The following GRIK2 variants were observed in gnomAD, a reference collection of about 807,000 sequenced individuals.
The protein encoded by GRIK2 is glutamate ionotropic receptor kainate type subunit 2, also known as glutamate receptor ionotropic, kainate 2.
GRIK2 carries 32 observed loss-of-function variants against 100.3 expected under a neutral mutation model. The observed-to-expected ratio is 0.32, with a 90% CI of 0.24 to 0.43. GRIK2 has a LOEUF of 0.43. Among genes scored for constraint, GRIK2 ranks in the 20% least tolerant of loss-of-function variants. The pLI is 1.00. For synonymous variants in GRIK2, 417 were observed against 389.4 expected (o/e 1.07, Z -0.83); for missense variants, 843 against 1,114.9 (o/e 0.76, Z 3.47).
chr6:101,605,880 C>T (rs1454640023), intron 2 of GRIK2, among the ~76,000 whole-genome samples: 1 of 151,932 alleles, frequency 6.6e-6, no homozygotes, highest in Non-Finnish European at 1.5e-5. Context: ...AATAATATCA[C>T]AGGGTAGAAA....
chr6:102,012,925 T>C (rs1795625805), intron 14 of GRIK2, among the ~76,000 whole-genome samples: 1 of 152,192 alleles, frequency 6.6e-6, no homozygotes, highest in African/African-American at 2.4e-5. Context: ...AAGCTCTTTT[T>C]GGTTCCATGT....
intron 2 of GRIK2, among the ~76,000 whole-genome samples, chr6:101,512,050 A>T (rs1774346001): frequency 9.6e-6 from 1 of 104,460 alleles, no homozygotes; most frequent in Admixed American, 1.1e-4. Context: ...GTAAAAAAAG[A>T]TACATACATA....
intron 10 of GRIK2, among the ~76,000 whole-genome samples, chr6:101,852,179 T>TAAAAC (rs886735681): frequency 6.6e-6 from 1 of 152,064 alleles, no homozygotes; most frequent in African/African-American, 2.4e-5. Context: ...TCCTTTTAAG[T>TAAAAC]AAAACAAAAC....
intron 7 of GRIK2, among the ~76,000 whole-genome samples, chr6:101,783,945 G>A (rs1042872510): frequency 6.6e-6 from 1 of 152,142 alleles, no homozygotes; most frequent in African/African-American, 2.4e-5. Flanking sequence ...ACAAATAGAT[G>A]GTTTGAAATT....
intron 7 of GRIK2, among the ~76,000 whole-genome samples, chr6:101,717,956 G>A (rs1774184509): frequency 6.6e-6 from 1 of 151,604 alleles, no homozygotes; most frequent in South Asian, 2.1e-4. Context: ...GCCATATTAA[G>A]TTATATTAGC....
chr6:101,668,767 C>T (rs1400107055), intron 4 of GRIK2, among the ~76,000 whole-genome samples: 1 of 152,068 alleles, frequency 6.6e-6, no homozygotes, highest in African/African-American at 2.4e-5. Flanking sequence ...GGGAGGAAAC[C>T]TGGGACTCCC....
intron 14 of GRIK2, among the ~76,000 whole-genome samples, chr6:101,932,353 A>T (rs1790342792): frequency 6.6e-6 from 1 of 151,984 alleles, no homozygotes; most frequent in South Asian, 2.1e-4. Context: ...ATCCAAATTG[A>T]TGTATTCCTA....
intron 10 of GRIK2, among the ~76,000 whole-genome samples, chr6:101,826,902 G>A (rs2764224): frequency 0.11 from 16,714 of 151,834 alleles, 1,841 homozygotes; most frequent in East Asian, 0.61. Context: ...TTGGTGAACA[G>A]CACAACTAGC....
chr6:101,441,159 T>C (rs1215805443), intron 2 of GRIK2, among the ~76,000 whole-genome samples: 1 of 151,930 alleles, frequency 6.6e-6, no homozygotes, highest in South Asian at 2.1e-4. Context: ...CTTCAGACTT[T>C]TGTGTTCTCT....
chr6:101,580,486 A>G (rs1778023606), intron 2 of GRIK2, among the ~76,000 whole-genome samples: 2 of 152,058 alleles, frequency 1.3e-5, no homozygotes. Flanking sequence ...ACTCTAAGCC[A>G]CTATTATTTC....
At chr6:101,487,188 C>A (rs1243741729) in intron 2 of GRIK2, among the ~76,000 whole-genome samples, 1 of 146,494 alleles carries the variant, frequency 6.8e-6, no homozygotes, top group African/African-American at 2.6e-5. Context: ...TAATCATAAT[C>A]ATGTAACATT....
At chr6:101,662,369 A>T (rs1006468915) in intron 4 of GRIK2, among the ~76,000 whole-genome samples, 1 of 152,154 alleles carries the variant, frequency 6.6e-6, no homozygotes, top group Non-Finnish European at 1.5e-5. Flanking sequence ...GTTTCTAAGG[A>T]CTTACTGAAT....
At chr6:101,460,587 A>G (rs528828417) in intron 2 of GRIK2, among the ~76,000 whole-genome samples, 1 of 152,344 alleles carries the variant, frequency 6.6e-6, no homozygotes, top group East Asian at 1.9e-4. Flanking sequence ...AGAGTGATAC[A>G]GCACATTAAC....
intron 10 of GRIK2, among the ~76,000 whole-genome samples, chr6:101,834,499 A>G (rs947091507): frequency 6.6e-6 from 1 of 152,010 alleles, no homozygotes; most frequent in Non-Finnish European, 1.5e-5. Context: ...TTTCTTTCAC[A>G]AGTCTTTTGA....
At chr6:101,966,536 C>A (rs1240529944) in intron 14 of GRIK2, among the ~76,000 whole-genome samples, 1 of 152,074 alleles carries the variant, frequency 6.6e-6, no homozygotes, top group African/African-American at 2.4e-5. Context: ...ACTTTTATAA[C>A]AGGATATGTT....
chr6:102,049,430 GA>G (rs1276708863), intron 15 of GRIK2, among the ~76,000 whole-genome samples: 1 of 151,982 alleles, frequency 6.6e-6, no homozygotes, highest in Non-Finnish European at 1.5e-5. Context: ...GAATTTAAAA[GA>G]AAAGAATTTA....
At chr6:101,762,126 TTTCC>T (rs1466341198) in intron 7 of GRIK2, among the ~76,000 whole-genome samples, 1 of 140,310 alleles carries the variant, frequency 7.1e-6, no homozygotes, top group African/African-American at 2.8e-5. Context: ...CCTCCCTTCC[TTTCC>T]TTCCTCCCTC....
chr6:101,504,712 C>T lies in GRIK2; in HGVS notation c.115+105320C>T, dbSNP rs115115905. Among the ~76,000 whole-genome samples, 1,189 of 152,062 alleles carry T rather than the reference C, an allele frequency of 7.8e-3. 14 individuals are homozygous for T. Among genetic ancestry groups the T allele is most frequent in the African/African-American group, 0.027 (1,113 of 41,518 alleles). The stretch of plus-strand genomic sequence containing the variant: ...GTTTATTATATGTTGCCTTCATTAA[C>T]AAAGCCTTTGTGGAGGTTATGAGAT... On this transcript the variant is annotated intron_variant, in intron 2 of 16. Transcript: ENST00000369134.
chr6:101,959,052 G>C lies in GRIK2; in HGVS notation c.2085+30420G>C, dbSNP rs960343117. On this transcript the variant is annotated intron_variant, in intron 14 of 16. Transcript: ENST00000369134. ...GATACTGGCTTCATAGAATGAGTTAGGGAGGATTCTCTTCTCATCAATTTT... is the reference window on the plus strand; with the variant it reads ...GATACTGGCTTCATAGAATGAGTTACGGAGGATTCTCTTCTCATCAATTTT... 1.8e-4 allele frequency among the ~76,000 whole-genome samples: 28 copies of C among 151,994 alleles called. 2 individuals are homozygous for C. Among genetic ancestry groups the C allele is most frequent in the Non-Finnish European group, 8.8e-5 (6 of 67,954 alleles).
Sources: allele counts gnomAD v4.1 joint callset (sites outside exome capture counted in the v4.1 genomes callset), GRCh38; gene constraint gnomAD v4.1.1; transcripts MANE v1.5; gene names NCBI Gene and HGNC (gene_info 2026-07-23, HGNC 2026-07-21).